The following CNTN5 variants were observed in gnomAD, a reference collection of about 807,000 sequenced individuals.
CNTN5 encodes the protein contactin 5.
In CNTN5, 77 loss-of-function variants were observed where a neutral mutation model predicts 129.1. The ratio of observed to expected loss-of-function variants is 0.60; its 90% CI spans 0.50 to 0.72. CNTN5 has a LOEUF of 0.72. Among genes scored for constraint, CNTN5 ranks in the 30% least tolerant of loss-of-function variants. The probability of loss-of-function intolerance (pLI) is 0.00; values close to 1 mark genes in which losing one functional copy is unlikely to be tolerated. For missense variants in CNTN5, 1,478 were observed against 1,328.8 expected (o/e 1.11, Z -1.75); for synonymous variants, 509 against 465.6 (o/e 1.09, Z -1.20).
intron 1 of CNTN5, among the ~76,000 whole-genome samples, chr11:99,238,264 G>C (rs1861377561): frequency 6.6e-6 from 1 of 152,110 alleles, no homozygotes; most frequent in African/African-American, 2.4e-5. Flanking sequence ...TTGGCTTAAT[G>C]CCTATAATGG....
chr11:100,094,283 T>C (rs1944906277), intron 13 of CNTN5, among the ~76,000 whole-genome samples: 1 of 151,998 alleles, frequency 6.6e-6, no homozygotes, highest in African/African-American at 2.4e-5. Flanking sequence ...TTCATCTCAT[T>C]GTGTATCTTG....
chr11:99,496,542 A>C (rs2135368530), intron 2 of CNTN5, among the ~76,000 whole-genome samples: 1 of 152,352 alleles, frequency 6.6e-6, no homozygotes, highest in East Asian at 1.9e-4. Context: ...CCTATAAAGT[A>C]TATGGGAACA....
chr11:99,038,225 G>A (rs535725527), intron 1 of CNTN5, among the ~76,000 whole-genome samples: 2 of 151,658 alleles, frequency 1.3e-5, no homozygotes, highest in Non-Finnish European at 2.9e-5. Flanking sequence ...TTCCCTAATT[G>A]GAATCAAGAT....
intron 2 of CNTN5, among the ~76,000 whole-genome samples, chr11:99,466,818 T>TTTATTTTGA (rs1944962505): frequency 6.6e-6 from 1 of 152,006 alleles, no homozygotes; most frequent in Non-Finnish European, 1.5e-5. Context: ...TAAGGACATT[T>TTTATTTTGA]TTATTTTGAT....
At chr11:99,808,352 A>G (rs891838047) in intron 3 of CNTN5, among the ~76,000 whole-genome samples, 7 of 103,140 alleles carry the variant, frequency 6.8e-5, no homozygotes, top group African/African-American at 2.1e-4. Context: ...AGTTGAGGCT[A>G]CAAAAATCAC....
intron 1 of CNTN5, among the ~76,000 whole-genome samples, chr11:99,058,173 G>T (rs1864713698): frequency 2.0e-5 from 3 of 152,000 alleles, no homozygotes; most frequent in Admixed American, 2.0e-4. Context: ...AAGCCCTGAA[G>T]AGTTTTGAGC....
intron 17 of CNTN5, among the ~76,000 whole-genome samples, chr11:100,270,502 A>G (rs548800068): frequency 3.8e-4 from 58 of 152,376 alleles, no homozygotes; most frequent in African/African-American, 1.3e-3. Context: ...CATGCATGCC[A>G]TGTAAAAATA....
In CNTN5 at chr11:99,477,118, A is replaced by C. The variant is rs183103702; in HGVS notation, c.-70-79027A>C. ...ATATTGAATTTATTTAATTTGAAAA[A>C]ATATTTAGTTAATATCCTTAAATGA... is the stretch of plus-strand genomic sequence containing the variant. On this transcript the variant is annotated intron_variant, in intron 2 of 24. Transcript: ENST00000524871. Among the ~76,000 whole-genome samples the C allele has an allele frequency of 6.1e-3, 934 of 152,042 alleles. 8 individuals are homozygous for C. The highest frequency in any genetic ancestry group is 9.3e-3 in the Non-Finnish European group (629 of 67,938).
At chr11:99,863,760 T>C (rs1161582905) in intron 6 of CNTN5, among the ~76,000 whole-genome samples, 1 of 152,184 alleles carries the variant, frequency 6.6e-6, no homozygotes, top group African/African-American at 2.4e-5. Flanking sequence ...TACCTAGCAA[T>C]ATTAAGAAGC....
chr11:99,483,174 C>CAAA lies in CNTN5; in HGVS notation c.-70-72945_-70-72943dup, dbSNP rs34200342. ...CTGGCAACAGAGTGAGACTCCTTCT[C>CAAA]AAAAAAAAAAAAAAAAAAAAAAAAA... On this transcript the variant is annotated intron_variant, in intron 2 of 24. Coordinates refer to ENST00000524871, the MANE Select transcript of CNTN5 (RefSeq NM_014361.4). 1.1e-3 allele frequency among the ~76,000 whole-genome samples: 63 copies of CAAA among 59,556 alleles called. 1 individual carries two copies. Among genetic ancestry groups the CAAA allele is most frequent in the African/African-American group, 4.2e-3 (57 of 13,474 alleles). 39.1% of individuals were successfully genotyped at this position (59,556 alleles called of 152,430 possible).
chr11:99,090,000 T>C (rs1866173189), intron 1 of CNTN5, among the ~76,000 whole-genome samples: 1 of 152,212 alleles, frequency 6.6e-6, no homozygotes, highest in Non-Finnish European at 1.5e-5. Flanking sequence ...CCTAAGGTAA[T>C]ATACCACTTT....
In CNTN5 at chr11:100,185,438, C is replaced by A. The variant is rs192673589; in HGVS notation, c.1581-5688C>A. Among the ~76,000 whole-genome samples the A allele has an allele frequency of 2.7e-3, 409 of 152,220 alleles. 10 individuals carry two copies. The highest frequency in any genetic ancestry group is 0.024 in the Admixed American group (365 of 15,282). The stretch of plus-strand genomic sequence containing the variant: ...CCCTAAGAACTACATCAGTGGGCTC[C>A]CTTGTCCCTGAGAATGGGGCAGCAG... On this transcript the variant is annotated intron_variant, in intron 13 of 24. Coordinates refer to ENST00000524871, the MANE Select transcript of CNTN5 (RefSeq NM_014361.4).
intron 2 of CNTN5, among the ~76,000 whole-genome samples, chr11:99,408,063 C>CT (rs894745462): frequency 9.9e-5 from 15 of 152,000 alleles, no homozygotes; most frequent in African/African-American, 2.9e-4. Context: ...TACAAAGGTG[C>CT]TTTTTTCTGT....
intron 24 of CNTN5, among the ~76,000 whole-genome samples, chr11:100,352,889 G>A (rs531036886): frequency 5.9e-5 from 9 of 151,598 alleles, no homozygotes; most frequent in Non-Finnish European, 1.2e-4. Flanking sequence ...GCTTCAGCAC[G>A]TCAGATTCCT....
At chr11:100,107,685 T>C (rs1056712102) in intron 13 of CNTN5, among the ~76,000 whole-genome samples, 12 of 152,168 alleles carry the variant, frequency 7.9e-5, no homozygotes, top group African/African-American at 2.6e-4. Context: ...TGCACTGCTT[T>C]TCCTCCATAT....
chr11:99,637,010 C>CAAAAAAA (rs869133131), intron 3 of CNTN5, among the ~76,000 whole-genome samples: 5 of 7,820 alleles, frequency 6.4e-4, no homozygotes, highest in African/African-American at 7.9e-4. Context: ...AACTTTGTCT[C>CAAAAAAA]AAAAAAAAAA....
At chr11:99,338,841 T>A (rs1175246526) in intron 2 of CNTN5, among the ~76,000 whole-genome samples, 1 of 149,536 alleles carries the variant, frequency 6.7e-6, no homozygotes, top group African/African-American at 2.5e-5. Flanking sequence ...TCTAGGAAAA[T>A]CATTATAACA....
intron 2 of CNTN5, among the ~76,000 whole-genome samples, chr11:99,341,919 A>G (rs1866530278): frequency 6.6e-6 from 1 of 152,186 alleles, no homozygotes; most frequent in Non-Finnish European, 1.5e-5. Flanking sequence ...AATAGTAAAG[A>G]AAACACTGAT....
chr11:99,107,311 A>T (rs944637154), intron 1 of CNTN5, among the ~76,000 whole-genome samples: 2 of 152,196 alleles, frequency 1.3e-5, no homozygotes, highest in African/African-American at 4.8e-5. Context: ...TATAACATGA[A>T]CAAATTTATG....
Sources: allele counts gnomAD v4.1 joint callset (sites outside exome capture counted in the v4.1 genomes callset), GRCh38; gene constraint gnomAD v4.1.1; transcripts MANE v1.5; gene names NCBI Gene and HGNC (gene_info 2026-07-23, HGNC 2026-07-21).